CDC73: variants seen among roughly 807,000 people sequenced by gnomAD.
The protein encoded by CDC73 is cell division cycle 73, also known as parafibromin.
Under a neutral mutation model 83.7 loss-of-function variants are expected in CDC73, and 21 were observed. The ratio of observed to expected loss-of-function variants is 0.25; its 90% CI spans 0.18 to 0.36. CDC73 has a LOEUF of 0.36. Ranked by LOEUF, CDC73 falls within the 10% of genes least tolerant of loss-of-function variation. The pLI, the probability that CDC73 is intolerant of heterozygous loss-of-function variation, is 1.00. For synonymous variants in CDC73, 224 were observed against 212.9 expected, an observed-to-expected ratio of 1.05 and a Z score of -0.45; for missense variants, 342 against 653.3, an observed-to-expected ratio of 0.52 and a Z score of 5.19.
intron 13 of CDC73, among the ~76,000 whole-genome samples, chr1:193,213,782 C>T (rs756607523): frequency 2.2e-4 from 34 of 152,136 alleles, no homozygotes; most frequent in Non-Finnish European, 4.3e-4. Flanking sequence ...CTTGAAGTTA[C>T]GTCCTTCCAG....
At chr1:193,135,008 A>C (rs1468958349) in intron 3 of CDC73, among the ~76,000 whole-genome samples, 1 of 151,640 alleles carries the variant, frequency 6.6e-6, no homozygotes, top group African/African-American at 2.4e-5. Flanking sequence ...TTTAGGGTGA[A>C]TGCTAACTTA....
At chr1:193,244,873 T>C (rs926545670) in intron 15 of CDC73, among the ~76,000 whole-genome samples, 2 of 152,250 alleles carry the variant, frequency 1.3e-5, no homozygotes, top group Non-Finnish European at 2.9e-5. Flanking sequence ...TCTGTTAAAC[T>C]GTTGACTCTT....
chr1:193,159,322 C>T (rs1332275824), intron 10 of CDC73, among the ~76,000 whole-genome samples: 2 of 152,130 alleles, frequency 1.3e-5, no homozygotes, highest in African/African-American at 2.4e-5. Context: ...TCCAGTTACA[C>T]CTTGTTTAGC....
At chr1:193,203,531 C>T (rs1334769594) in intron 10 of CDC73, among the ~76,000 whole-genome samples, 1 of 152,134 alleles carries the variant, frequency 6.6e-6, no homozygotes, top group Admixed American at 6.5e-5. Flanking sequence ...TACATGCTTA[C>T]AGTAACTACT....
intron 1 of CDC73, 55 bp downstream of exon 1, chr1:193,122,386 A>G (rs1160493610): frequency 2.4e-5 from 38 of 1,611,340 alleles, no homozygotes; most frequent in Non-Finnish European, 3.1e-5. Flanking sequence ...GGGCGCCCCC[A>G]GGCGACCTCT....
At chr1:193,167,039 A>G (rs1676445962) in intron 10 of CDC73, among the ~76,000 whole-genome samples, 1 of 152,196 alleles carries the variant, frequency 6.6e-6, no homozygotes, top group African/African-American at 2.4e-5. Context: ...GTTTATAATG[A>G]GATTTTATGT....
chr1:193,205,020 A>G (rs935814693), intron 11 of CDC73, among the ~76,000 whole-genome samples: 1 of 152,128 alleles, frequency 6.6e-6, no homozygotes, highest in African/African-American at 2.4e-5. Flanking sequence ...TATTGAAGTT[A>G]TTTTAGAAAA....
intron 10 of CDC73, among the ~76,000 whole-genome samples, chr1:193,186,996 C>T (rs1676821214): frequency 6.8e-6 from 1 of 147,048 alleles, no homozygotes; most frequent in Non-Finnish European, 1.5e-5. Context: ...AGTGCATTCT[C>T]TTCTTGAAGT....
chr1:193,205,835 C>T (rs975223601), intron 11 of CDC73, among the ~76,000 whole-genome samples: 7 of 152,004 alleles, frequency 4.6e-5, no homozygotes, highest in African/African-American at 1.4e-4. Flanking sequence ...TAGGGATGGA[C>T]AGATGGGGTT....
intron 7 of CDC73, among the ~76,000 whole-genome samples, chr1:193,144,574 C>T (rs1675962187): frequency 6.6e-6 from 1 of 152,116 alleles, no homozygotes; most frequent in Non-Finnish European, 1.5e-5. Flanking sequence ...TGGCACTTAG[C>T]CATTGTGTTC....
intron 10 of CDC73, among the ~76,000 whole-genome samples, chr1:193,161,396 CAA>C (rs1156888656): frequency 6.6e-6 from 1 of 150,496 alleles, no homozygotes; most frequent in Non-Finnish European, 1.5e-5. Flanking sequence ...TAATTAGAGA[CAA>C]AAGTCATACC....
At chr1:193,129,871 T>C (rs934851247) in intron 2 of CDC73, among the ~76,000 whole-genome samples, 1 of 152,228 alleles carries the variant, frequency 6.6e-6, no homozygotes, top group African/African-American at 2.4e-5. Flanking sequence ...TTAGGTTCTT[T>C]TAGCCTAGTC....
intron 10 of CDC73, chr1:193,185,905 T>A (rs1676798557): frequency 6.6e-6 from 1 of 152,168 alleles, no homozygotes; most frequent in Non-Finnish European, 1.5e-5. Flanking sequence ...AGAAACCTTT[T>A]CATAGTTTCA....
chr1:193,235,946 C>G (rs924148990), intron 14 of CDC73, among the ~76,000 whole-genome samples: 1 of 152,110 alleles, frequency 6.6e-6, no homozygotes, highest in Non-Finnish European at 1.5e-5. Context: ...GGCCACTACT[C>G]TAATTAACAG....
At chr1:193,150,706 A>C (rs539883428) in intron 9 of CDC73, among the ~76,000 whole-genome samples, 1 of 152,310 alleles carries the variant, frequency 6.6e-6, no homozygotes, top group East Asian at 1.9e-4. Context: ...TGGATTCTGG[A>C]TCCAGATAGC....
chr1:193,141,503 G>A (rs1159085141), intron 6 of CDC73, among the ~76,000 whole-genome samples: 1 of 152,094 alleles, frequency 6.6e-6, no homozygotes, highest in African/African-American at 2.4e-5. Flanking sequence ...TTCCAAAGTG[G>A]CATCTGTGTG....
At chr1:193,185,741 A>T (rs1347318349) in intron 10 of CDC73, among the ~76,000 whole-genome samples, 1 of 151,908 alleles carries the variant, frequency 6.6e-6, no homozygotes, top group African/African-American at 2.4e-5. Context: ...TTTTAAGTTT[A>T]ATTTCTTAAG....
chr1:193,216,278 A>G (rs1038775232), intron 13 of CDC73, among the ~76,000 whole-genome samples: 2 of 152,214 alleles, frequency 1.3e-5, no homozygotes, highest in Non-Finnish European at 2.9e-5. Context: ...CCAACTCCAC[A>G]GAAATACAGA....
At chr1:193,164,087 A>C (rs1439056402) in intron 10 of CDC73, among the ~76,000 whole-genome samples, 1 of 152,186 alleles carries the variant, frequency 6.6e-6, no homozygotes, top group Non-Finnish European at 1.5e-5. Context: ...AGTAGATTTT[A>C]CAAAACTATG....
Sources: gnomAD v4.1 joint callset for allele counts (sites outside exome capture counted in the v4.1 genomes callset) on GRCh38, gnomAD v4.1.1 for gene constraint, MANE v1.5 for transcripts, NCBI Gene and HGNC (gene_info 2026-07-23, HGNC 2026-07-21) for gene names.